Variants in PLXNB1 observed in about 807,000 individuals in gnomAD.
PLXNB1 encodes plexin-B1.
Under a neutral mutation model 209.4 loss-of-function variants are expected in PLXNB1, and 106 were observed. The ratio of observed to expected loss-of-function variants is 0.51; its 90% confidence interval spans 0.43 to 0.59. The LOEUF is 0.59. Among genes scored for constraint, PLXNB1 ranks in the 20% least tolerant of loss-of-function variants. The pLI is 0.00. For missense variants in PLXNB1, 2,357 were observed against 2,853.2 expected (o/e 0.83, Z 3.96); for synonymous variants, 1,167 against 1,183.2 (o/e 0.99, Z 0.28).
chr3:48,410,387 A>G lies in PLXNB1; in HGVS notation c.5521-7T>C, dbSNP rs2037597992. On this transcript the variant is annotated splice_polypyrimidine_tract_variant and splice_region_variant and intron_variant, in intron 30 of 37. Transcript: ENST00000296440. The surrounding 1 kb of genome is among the most constrained non-coding windows in gnomAD (Gnocchi z 6.4). ...CAGTTGCTCCATCTGGGACCTGCTGAGCACAGCTGGTGATCCCTCCACCAG... is the reference window on the plus strand; with the variant it reads ...CAGTTGCTCCATCTGGGACCTGCTGGGCACAGCTGGTGATCCCTCCACCAG... The G allele has an allele frequency of 1.9e-6, 3 of 1,612,140 alleles. No homozygotes were observed. In the South Asian group the frequency reaches 3.3e-5, roughly 18 times the overall value.
chr3:48,419,166 C>G lies in PLXNB1; in HGVS notation c.2832+78G>C. 6.4e-7 allele frequency: 1 copy of G among 1,555,718 alleles called. No individual in the cohort carries two copies. Among genetic ancestry groups the G allele is most frequent in the Non-Finnish European group, 8.7e-7 (1 of 1,145,854 alleles). ...TTGAGCCCTCGGACTCTGCCCTCCTCCTGCTCCCCAGGGCTTGTGCAGAGT... is the reference window on the plus strand; with the variant it reads ...TTGAGCCCTCGGACTCTGCCCTCCTGCTGCTCCCCAGGGCTTGTGCAGAGT... On this transcript the variant is annotated intron_variant, in intron 12 of 37. Coordinates refer to ENST00000296440, the MANE Select transcript of PLXNB1 (RefSeq NM_001130082.3). This position sits in a 1 kb window ranked among gnomAD's most constrained non-coding sequence, Gnocchi z 5.7.
rs967268806 is a variant in PLXNB1 at position 48,429,786 on chromosome 3, T to C, written c.-60+222A>G. On this transcript the variant is annotated intron_variant, in intron 1 of 37. Transcript: ENST00000296440. This position sits in a 1 kb window ranked among gnomAD's most constrained non-coding sequence, Gnocchi z 6.4. The stretch of plus-strand genomic sequence containing the variant: ...CTCCTTGGAACCGGAACTGGGAACT[T>C]TCCTGGTTGCCAGGAGCCGAGGCGG... Among the ~76,000 whole-genome samples the C allele has an allele frequency of 6.6e-6, 1 of 152,064 alleles. No individual in the cohort carries two copies. The highest frequency in any genetic ancestry group is 1.5e-5 in the Non-Finnish European group (1 of 67,934).
At chr3:48,420,827 G>C in intron 9 of PLXNB1, 21 bp downstream of exon 9, 1 of 1,609,768 alleles carries the variant, frequency 6.2e-7, no homozygotes, top group South Asian at 1.1e-5. Context: ...CCCAGGCCTG[G>C]GGACAGGGCG....
chr3:48,421,892 T>C, intron 6 of PLXNB1, 86 bp from the exon 7 acceptor site: 1 of 1,526,282 alleles, frequency 6.6e-7, no homozygotes, highest in Non-Finnish European at 8.8e-7. Flanking sequence ...CTGGAGGACC[T>C]GGGCAGGGCC....
In PLXNB1 at chr3:48,409,956, C is replaced by T; in HGVS notation, c.5727G>A (p.Glu1909=). ...AGATCTCAGGGATGGCCTTGGCGCG[C>T]TCACGCTCCCCGCCCCGAAGGCTGC... ...RRGSLRGGER[E]RAKAIPEIYL... is the part of the protein sequence containing the mutation. The change falls in exon 32 of 38, where the codon GAG becomes GAA. Residue 1909 remains glutamate, a synonymous_variant. Coordinates refer to ENST00000296440, the MANE Select transcript of PLXNB1 (RefSeq NM_001130082.3). This position sits in a 1 kb window ranked among gnomAD's most constrained non-coding sequence, Gnocchi z 5.8. The T allele has an allele frequency of 6.2e-7, 1 of 1,612,298 alleles. No individual in the cohort carries two copies.
chr3:48,404,448 C>A lies in PLXNB1; in HGVS notation c.*38G>T. ...CTCCGAGCTTCCAGGGCTGCCCAGG[C>A]CAGGCTGAAGCAACAGCAGGCCGTG... On this transcript the variant is annotated 3_prime_UTR_variant, in exon 38 of 38. Coordinates refer to ENST00000296440, the MANE Select transcript of PLXNB1 (RefSeq NM_001130082.3). 1 of 1,438,994 alleles carries A rather than the reference C, an allele frequency of 6.9e-7. No individual in the cohort carries two copies. The highest frequency in any genetic ancestry group is 1.2e-5 in the South Asian group (1 of 85,488). 89.1% of individuals were successfully genotyped at this position (1,438,994 alleles called of 1,614,324 possible).
At chr3:48,407,170 T>A in intron 34 of PLXNB1, 79 bp from the exon 35 acceptor site, 1 of 1,327,460 alleles carries the variant, frequency 7.5e-7, no homozygotes, top group Non-Finnish European at 1.1e-6. Context: ...GTGTCCTGGG[T>A]TTCCCAGTAC....
Position 48,420,091 on chromosome 3 carries a change from A to T in PLXNB1, c.2195T>A (p.Leu732Gln). The T allele has an allele frequency of 6.2e-7, 1 of 1,612,834 alleles. No homozygotes were observed. The highest frequency in any genetic ancestry group is 8.5e-7 in the Non-Finnish European group (1 of 1,179,762). The change falls in exon 11 of 38, where the codon CTG becomes CAG. Residue 732 changes from leucine to glutamine, a missense_variant. Physicochemically the swap from Leu to Gln is moderately radical, Grantham distance 113 (BLOSUM62 -2). Coordinates refer to ENST00000296440, the MANE Select transcript of PLXNB1 (RefSeq NM_001130082.3). ...TGCCCATGGCCCCCAGGGGCTGAGCAGGGAAGGACTAGCCCCAGGTGAGAT... is the reference window on the plus strand; with the variant it reads ...TGCCCATGGCCCCCAGGGGCTGAGCTGGGAAGGACTAGCCCCAGGTGAGAT... ...SDISPGASPS[L>Q]LSPWGPWAGS...
At position 48,410,386 on chromosome 3, in the gene PLXNB1, G is replaced by A. The variant is rs541214401; in HGVS notation, c.5521-6C>T. ...ACAGTTGCTCCATCTGGGACCTGCT[G>A]AGCACAGCTGGTGATCCCTCCACCA... On this transcript the variant is annotated splice_polypyrimidine_tract_variant and splice_region_variant and intron_variant, in intron 30 of 37. Coordinates refer to ENST00000296440, the MANE Select transcript of PLXNB1 (RefSeq NM_001130082.3). This position sits in a 1 kb window ranked among gnomAD's most constrained non-coding sequence, Gnocchi z 6.4. The A allele has an allele frequency of 2.7e-5, 43 of 1,613,128 alleles. No homozygotes were observed. The highest frequency in any genetic ancestry group is 9.3e-5 in the African/African-American group (7 of 74,868).
chr3:48,428,615 G>C (rs1172377584), intron 1 of PLXNB1, among the ~76,000 whole-genome samples: 1 of 152,158 alleles, frequency 6.6e-6, no homozygotes, highest in Non-Finnish European at 1.5e-5. Flanking sequence ...CGGCCTTCCC[G>C]TTTCACCCTC....
At position 48,409,684 on chromosome 3, in the gene PLXNB1, G is replaced by C. The variant is rs2037538206; in HGVS notation, c.5826C>G (p.Ser1942Arg). 6.2e-7 allele frequency: 1 copy of C among 1,613,816 alleles called. No individual in the cohort carries two copies. Among genetic ancestry groups the C allele is most frequent in the Non-Finnish European group, 8.5e-7 (1 of 1,180,028 alleles). The stretch of plus-strand genomic sequence containing the variant: ...CAGCGAGCGGCACGGGGCGGCTGGT[G>C]CTGAGAATCACCTGGAACAGGTCAT... ...FVDDLFQVIL[S>R]TSRPVPLAVK... The change falls in exon 33 of 38, where the codon AGC becomes AGG. Residue 1942 changes from serine to arginine, a missense_variant. Transcript: ENST00000296440. This position sits in a 1 kb window ranked among gnomAD's most constrained non-coding sequence, Gnocchi z 5.8.
chr3:48,424,075 A>G lies in PLXNB1; in HGVS notation c.537T>C (p.Gly179=). The change falls in exon 3 of 38, where the codon GGT becomes GGC. Residue 179 remains glycine, a synonymous_variant. Transcript: ENST00000296440. ...GRGYTSRGVG[G]GIPPITTRAL... ...CCCGGGTTGTGATGGGTGGAATGCCACCCCCCACACCCCTGCTGGTGTATC... is the reference window on the plus strand; with the variant it reads ...CCCGGGTTGTGATGGGTGGAATGCCGCCCCCCACACCCCTGCTGGTGTATC... 6.4e-7 allele frequency: 1 copy of G among 1,566,344 alleles called. No homozygotes were observed. Among genetic ancestry groups the G allele is most frequent in the Admixed American group, 1.9e-5 (1 of 53,414 alleles).
chr3:48,412,401 C>T (rs2037748587), intron 26 of PLXNB1, 41 bp downstream of exon 26: 1 of 1,611,322 alleles, frequency 6.2e-7, no homozygotes, highest in Admixed American at 1.7e-5. Context: ...ACCCCAGCTC[C>T]AGCTGTCCAG....
Position 48,422,449 on chromosome 3 carries a change from C to T in PLXNB1, c.1301G>A (p.Gly434Asp), listed in dbSNP as rs1448242715. The T allele has an allele frequency of 1.3e-6, 2 of 1,587,938 alleles. No individual in the cohort carries two copies. Among genetic ancestry groups the T allele is most frequent in the Non-Finnish European group, 1.7e-6 (2 of 1,167,928 alleles). ...GTATGGGTGGCCATCGCTCCCTGGG[C>T]CCAAGTAGACCTGGGATCAGAGACC... ...SQGQLHRVYL[G>D]PGSDGHPYST... is the part of the protein sequence containing the mutation. The change falls in exon 5 of 38, where the codon GGC becomes GAC. Residue 434 changes from glycine (G) to aspartate (D), a missense_variant. Coordinates refer to ENST00000296440, the MANE Select transcript of PLXNB1 (RefSeq NM_001130082.3).
intron 4 of PLXNB1, 84 bp downstream of exon 4, chr3:48,422,681 G>T: frequency 6.9e-7 from 1 of 1,452,880 alleles, no homozygotes. Context: ...AGGGGTCACA[G>T]GGATAGCTTA....
rs143732573 is a variant in PLXNB1, at chr3:48,415,270, G to A, written c.3872C>T (p.Ser1291Leu). The A allele has an allele frequency of 1.0e-4, 163 of 1,613,416 alleles. No homozygotes were observed. Among genetic ancestry groups the A allele is most frequent in the Admixed American group, 3.2e-4 (19 of 60,004 alleles). ...CCCCTGGCTGGGCTGCAGCATTCTCGAGACCACGGTCACCCGGATTCTTGG... is the reference window on the plus strand; with the variant it reads ...CCCCTGGCTGGGCTGCAGCATTCTCAAGACCACGGTCACCCGGATTCTTGG... ...QTPRIRVTVV[S>L]RMLQPSQGLG... The change falls in exon 20 of 38, where the codon TCG becomes TTG. Residue 1291 changes from serine (S) to leucine (L), a missense_variant. Transcript: ENST00000296440. This position sits in a 1 kb window ranked among gnomAD's most constrained non-coding sequence, Gnocchi z 5.0.
chr3:48,426,818 G>A (rs1365105737), intron 1 of PLXNB1, among the ~76,000 whole-genome samples: 1 of 152,184 alleles, frequency 6.6e-6, no homozygotes, highest in Non-Finnish European at 1.5e-5. Context: ...TCTCGAACCC[G>A]GCCAGGATCC....
At chr3:48,421,913 C>A in intron 6 of PLXNB1, 107 bp from the exon 7 acceptor site, 1 of 1,486,020 alleles carries the variant, frequency 6.7e-7, no homozygotes, top group South Asian at 1.3e-5. Flanking sequence ...CTAGAGTGGG[C>A]ATGATAGAGG....
rs1283843258 is a variant in PLXNB1, at chr3:48,422,160, C to A, written c.1465G>T (p.Ala489Ser). 3 of 1,614,186 alleles carry A rather than the reference C, an allele frequency of 1.9e-6. No homozygotes were observed. The highest frequency in any genetic ancestry group is 2.5e-6 in the Non-Finnish European group (3 of 1,180,010). ...GGGTCCCTGTGAGCAAGGCAAGATG[C>A]ACAGTCCAGGTGCTGAGCACAGGAA... is the stretch of plus-strand genomic sequence containing the variant. Reference protein sequence around the residue: ...VASCAQHLDCASCLAHRDPYC... With the variant: ...VASCAQHLDCSSCLAHRDPYC... The change falls in exon 6 of 38, where the codon GCA becomes TCA. Residue 489 changes from alanine to serine, a missense_variant. By Grantham distance (99) the Ala-to-Ser change is moderately conservative. Coordinates refer to ENST00000296440, the MANE Select transcript of PLXNB1 (RefSeq NM_001130082.3).
Sources: gnomAD v4.1 joint callset for allele counts (sites outside exome capture counted in the v4.1 genomes callset) on GRCh38, gnomAD v4.1.1 for gene constraint, Gnocchi (gnomAD v3.1) non-coding constraint, MANE v1.5 for transcripts, NCBI Gene and HGNC (gene_info 2026-07-23, HGNC 2026-07-21) for gene names.